The following GPC6 variants were observed in gnomAD, a reference collection of about 807,000 sequenced individuals.
GPC6 encodes the protein glypican 6, also known as glypican-6.
In GPC6, 14 loss-of-function variants were observed where a neutral mutation model predicts 55.2. That is an observed-to-expected ratio of 0.25 (90% CI 0.17 to 0.40). The LOEUF is 0.40. Ranked by LOEUF, GPC6 falls within the 10% of genes least tolerant of loss-of-function variation. GPC6 has a pLI of 1.00. For synonymous variants in GPC6, 278 were observed against 259.6 expected (o/e 1.07, Z -0.68); for missense variants, 641 against 708.5 (o/e 0.90, Z 1.08).
At chr13:93,462,691 AAG>A (rs1363860073) in intron 1 of GPC6, among the ~76,000 whole-genome samples, 1 of 152,092 alleles carries the variant, frequency 6.6e-6, no homozygotes, top group African/African-American at 2.4e-5. Flanking sequence ...ATATAAATGA[AAG>A]AGCAAAAGAA....
chr13:93,243,957 G>A (rs764888161), intron 1 of GPC6, among the ~76,000 whole-genome samples: 12 of 152,002 alleles, frequency 7.9e-5, no homozygotes, highest in Admixed American at 1.3e-4. Context: ...TGATGGGCAG[G>A]GCCGTGGAAC....
intron 4 of GPC6, among the ~76,000 whole-genome samples, chr13:94,134,108 T>C (rs1046279177): frequency 1.3e-5 from 2 of 152,196 alleles, no homozygotes; most frequent in African/African-American, 2.4e-5. Flanking sequence ...CTGAAACTAA[T>C]CTGTGATTTC....
At chr13:94,098,454 T>A (rs554589933) in intron 4 of GPC6, among the ~76,000 whole-genome samples, 7 of 152,226 alleles carry the variant, frequency 4.6e-5, no homozygotes, top group Non-Finnish European at 1.0e-4. Context: ...TTTAAGAATA[T>A]TTGTCAAAAT....
intron 5 of GPC6, among the ~76,000 whole-genome samples, chr13:94,292,652 G>T (rs1875049510): frequency 1.3e-5 from 2 of 151,848 alleles, no homozygotes; most frequent in African/African-American, 4.8e-5. Context: ...GTATATGAAG[G>T]CCAAAGGTGA....
chr13:93,477,999 T>G (rs1879362017), intron 1 of GPC6, among the ~76,000 whole-genome samples: 1 of 152,116 alleles, frequency 6.6e-6, no homozygotes, highest in Non-Finnish European at 1.5e-5. Flanking sequence ...TTTTTTTGTC[T>G]TATTACATCT....
chr13:93,830,248 C>T lies in GPC6; in HGVS notation c.414C>T (p.Val138=). 6.2e-7 allele frequency: 1 copy of T among 1,610,698 alleles called. No individual in the cohort carries two copies. The highest frequency in any genetic ancestry group is 8.5e-7 in the Non-Finnish European group (1 of 1,177,720). The stretch of plus-strand genomic sequence containing the variant: ...TGCTGTACATGCAGAATTCAGAAGT[C>T]TTCCAGGACCTCTTCACAGAGCTGA... ...YGMLYMQNSE[V]FQDLFTELKR... is the part of the protein sequence containing the mutation. The change falls in exon 3 of 9, where the codon GTC becomes GTT. Residue 138 remains valine (V), a synonymous_variant. Coordinates refer to ENST00000377047, the MANE Select transcript of GPC6 (RefSeq NM_005708.5).
chr13:94,148,747 T>C lies in GPC6; in HGVS notation c.877+120853T>C, dbSNP rs889810969. Among the ~76,000 whole-genome samples, 6 of 152,238 alleles carry C rather than the reference T, an allele frequency of 3.9e-5. No individual in the cohort carries two copies. In the South Asian group the frequency reaches 1.2e-3, roughly 32 times the overall value. ...AAGCAGAAGCACTAATGATGTTTGATGGTGGGAAGGATAGAGGAGAGGTTA... is the reference window on the plus strand; with the variant it reads ...AAGCAGAAGCACTAATGATGTTTGACGGTGGGAAGGATAGAGGAGAGGTTA... On this transcript the variant is annotated intron_variant, in intron 4 of 8. Transcript: ENST00000377047.
intron 2 of GPC6, among the ~76,000 whole-genome samples, chr13:93,712,948 G>C (rs1017821389): frequency 2.0e-5 from 3 of 150,744 alleles, no homozygotes; most frequent in African/African-American, 7.3e-5. Context: ...TCTAAAAGTA[G>C]GCAACATACA....
intron 6 of GPC6, among the ~76,000 whole-genome samples, chr13:94,312,981 C>G (rs1312272880): frequency 5.9e-5 from 9 of 152,218 alleles, no homozygotes; most frequent in Admixed American, 5.9e-4. Flanking sequence ...CCTGCTTTAT[C>G]TATTTGCTGC....
chr13:94,379,402 G>A (rs143945319), intron 6 of GPC6, among the ~76,000 whole-genome samples: 3 of 152,222 alleles, frequency 2.0e-5, no homozygotes, highest in East Asian at 3.9e-4. Flanking sequence ...CAATGAAAAC[G>A]CACAGCTACT....
At chr13:93,239,261 C>CCTG (rs1876348960) in intron 1 of GPC6, among the ~76,000 whole-genome samples, 1 of 151,922 alleles carries the variant, frequency 6.6e-6, no homozygotes, top group Non-Finnish European at 1.5e-5. Context: ...GATCTCACTA[C>CCTG]TTGTTATTTG....
At chr13:93,467,064 C>G (rs1318399689) in intron 1 of GPC6, among the ~76,000 whole-genome samples, 2 of 152,086 alleles carry the variant, frequency 1.3e-5, no homozygotes, top group Non-Finnish European at 2.9e-5. Context: ...TTTCTAAATC[C>G]AAGTCTTAAA....
chr13:93,912,251 T>C (rs1204426187), intron 3 of GPC6, among the ~76,000 whole-genome samples: 1 of 152,226 alleles, frequency 6.6e-6, no homozygotes, highest in Non-Finnish European at 1.5e-5. Flanking sequence ...AATGTTTATA[T>C]CCAAGCATTT....
intron 4 of GPC6, among the ~76,000 whole-genome samples, chr13:94,277,589 T>C (rs1419174938): frequency 6.6e-6 from 1 of 152,230 alleles, no homozygotes; most frequent in Non-Finnish European, 1.5e-5. Context: ...CTTTAATCCA[T>C]CTTGAGTTAA....
chr13:93,716,706 GT>G (rs1883264351), intron 2 of GPC6, among the ~76,000 whole-genome samples: 1 of 151,540 alleles, frequency 6.6e-6, no homozygotes, highest in African/African-American at 2.4e-5. Context: ...ATAAGTCTTT[GT>G]AAGTTTAGTA....
At chr13:94,351,027 G>C (rs1878514169) in intron 6 of GPC6, among the ~76,000 whole-genome samples, 1 of 152,120 alleles carries the variant, frequency 6.6e-6, no homozygotes, top group African/African-American at 2.4e-5. Flanking sequence ...TTAATTACTG[G>C]GTAGGGGAAG....
At chr13:93,702,015 C>T (rs1882686032) in intron 2 of GPC6, among the ~76,000 whole-genome samples, 1 of 152,182 alleles carries the variant, frequency 6.6e-6, no homozygotes, top group East Asian at 1.9e-4. Context: ...AAATGTTTGT[C>T]ATGGCATCCA....
chr13:93,795,698 A>C (rs909383615), intron 2 of GPC6, among the ~76,000 whole-genome samples: 2 of 152,220 alleles, frequency 1.3e-5, no homozygotes, highest in Non-Finnish European at 1.5e-5. Flanking sequence ...GTGTACTTCC[A>C]TTTCAAATAT....
intron 1 of GPC6, among the ~76,000 whole-genome samples, chr13:93,337,106 C>T (rs1276078403): frequency 6.6e-6 from 1 of 152,118 alleles, no homozygotes; most frequent in Non-Finnish European, 1.5e-5. Context: ...TTCCAGTGGC[C>T]ATTAATGGTA....
Sources: allele counts gnomAD v4.1 joint callset (sites outside exome capture counted in the v4.1 genomes callset), GRCh38; gene constraint gnomAD v4.1.1; transcripts MANE v1.5; gene names NCBI Gene and HGNC (gene_info 2026-07-23, HGNC 2026-07-21).